The following PABPC4L variants were observed in gnomAD, a reference collection of about 807,000 sequenced individuals.
PABPC4L encodes the protein poly(A) binding protein cytoplasmic 4 like.
For synonymous variants in PABPC4L, 169 were observed against 164.1 expected (o/e 1.03, Z -0.23); for missense variants, 452 against 451.4 (o/e 1.00, Z -0.01).
At chr4:134,149,346 A>C in the PABPC4L span, among the ~76,000 whole-genome samples, 3 of 152,208 alleles carry the variant, frequency 2.0e-5, no homozygotes, top group Non-Finnish European at 4.4e-5. Context: ...AAACACTGGA[A>C]TGAACTAGCG....
chr4:134,111,306 T>G, the PABPC4L span, among the ~76,000 whole-genome samples: 1 of 152,146 alleles, frequency 6.6e-6, no homozygotes, highest in South Asian at 2.1e-4. Flanking sequence ...AGTTCCCAAA[T>G]TATTGCATTG....
the PABPC4L span, among the ~76,000 whole-genome samples, chr4:133,976,314 C>T: frequency 1.3e-5 from 2 of 152,140 alleles, no homozygotes; most frequent in African/African-American, 4.8e-5. Context: ...CATGGTATTC[C>T]ATAGTGTATA....
chr4:134,121,912 G>T, the PABPC4L span, among the ~76,000 whole-genome samples: 1 of 151,738 alleles, frequency 6.6e-6, no homozygotes. Context: ...ATCCCATGAA[G>T]AAAAATGAAA....
chr4:133,956,927 T>C, the PABPC4L span, among the ~76,000 whole-genome samples: 2 of 152,270 alleles, frequency 1.3e-5, no homozygotes, highest in Non-Finnish European at 2.9e-5. Flanking sequence ...ATTCAATTAC[T>C]TCCCACTGTG....
chr4:134,183,921 C>T, the PABPC4L span, among the ~76,000 whole-genome samples: 30 of 148,458 alleles, frequency 2.0e-4, no homozygotes, highest in Non-Finnish European at 2.7e-4. Flanking sequence ...TGTGTGTGTG[C>T]GTGTGTGTGT....
the PABPC4L span, among the ~76,000 whole-genome samples, chr4:134,131,239 A>G: frequency 9.2e-4 from 140 of 152,170 alleles, 2 homozygotes; most frequent in African/African-American, 3.3e-3. Flanking sequence ...AAATCAATGA[A>G]GAGGAAGTCA....
At chr4:134,000,393 G>A in the PABPC4L span, among the ~76,000 whole-genome samples, 2 of 152,062 alleles carry the variant, frequency 1.3e-5, no homozygotes, top group African/African-American at 2.4e-5. Context: ...TAAAGTAATA[G>A]GAAACAGTTA....
the PABPC4L span, among the ~76,000 whole-genome samples, chr4:134,042,001 T>C: frequency 4.6e-5 from 7 of 152,166 alleles, no homozygotes; most frequent in African/African-American, 9.6e-5. Flanking sequence ...TGCAAAGATA[T>C]GGAATCAACC....
At chr4:134,002,055 A>G in the PABPC4L span, among the ~76,000 whole-genome samples, 1 of 152,012 alleles carries the variant, frequency 6.6e-6, no homozygotes, top group African/African-American at 2.4e-5. Flanking sequence ...ATAATAAAAT[A>G]TTGGTGTTTC....
chr4:133,998,118 T>G, the PABPC4L span, among the ~76,000 whole-genome samples: 1 of 151,914 alleles, frequency 6.6e-6, no homozygotes, highest in Non-Finnish European at 1.5e-5. Context: ...TTATTTAATC[T>G]ATAATTTTTA....
At chr4:134,194,671 G>T (rs943662339), downstream of PABPC4L, among the ~76,000 whole-genome samples, 11 of 151,652 alleles carry the variant, frequency 7.3e-5, no homozygotes, top group Non-Finnish European at 1.5e-4. Flanking sequence ...AAACCAGTTG[G>T]AAGATTTGTT....
chr4:134,186,220 T>G, the PABPC4L span, among the ~76,000 whole-genome samples: 1 of 152,030 alleles, frequency 6.6e-6, no homozygotes, highest in Non-Finnish European at 1.5e-5. Context: ...AAAGAGCCCA[T>G]ATTTCCAAGA....
At chr4:134,084,041 G>A in the PABPC4L span, among the ~76,000 whole-genome samples, 1 of 152,060 alleles carries the variant, frequency 6.6e-6, no homozygotes, top group Non-Finnish European at 1.5e-5. Context: ...TGTGTCTAAT[G>A]TTACTTGTGT....
the PABPC4L span, among the ~76,000 whole-genome samples, chr4:134,183,467 G>T: frequency 6.0e-5 from 9 of 151,124 alleles, 1 homozygote; most frequent in African/African-American, 1.5e-4. Flanking sequence ...AAGGTGGAGG[G>T]TGGGAGGAGG....
At chr4:134,137,824 T>G in the PABPC4L span, among the ~76,000 whole-genome samples, 1 of 151,756 alleles carries the variant, frequency 6.6e-6, no homozygotes, top group African/African-American at 2.4e-5. Flanking sequence ...AATGAAGAAA[T>G]AAGCCTTTAC....
chr4:133,956,836 G>C, the PABPC4L span, among the ~76,000 whole-genome samples: 1 of 152,300 alleles, frequency 6.6e-6, no homozygotes, highest in East Asian at 1.9e-4. Context: ...GAGCAAAGCA[G>C]GGGAAAGCCC....
chr4:134,067,969 T>C, the PABPC4L span, among the ~76,000 whole-genome samples: 1 of 152,132 alleles, frequency 6.6e-6, no homozygotes, highest in African/African-American at 2.4e-5. Context: ...TTAGAGAAAG[T>C]GCAGATAATA....
chr4:134,065,969 A>G, the PABPC4L span, among the ~76,000 whole-genome samples: 2 of 152,078 alleles, frequency 1.3e-5, no homozygotes, highest in Non-Finnish European at 1.5e-5. Flanking sequence ...CCATTGGTCT[A>G]TGTGTCTGTT....
the PABPC4L span, among the ~76,000 whole-genome samples, chr4:133,979,243 A>G: frequency 2.0e-5 from 3 of 152,174 alleles, no homozygotes; most frequent in Non-Finnish European, 4.4e-5. Flanking sequence ...AATTCTTTCC[A>G]TGTTATTTGA....
Sources: gnomAD v4.1 joint callset for allele counts (sites outside exome capture counted in the v4.1 genomes callset) on GRCh38, gnomAD v4.1.1 for gene constraint, MANE v1.5 for transcripts, NCBI Gene and HGNC (gene_info 2026-07-23, HGNC 2026-07-21) for gene names.